Variants in TEKTL1 observed in about 807,000 individuals in gnomAD.
TEKTL1 encodes the protein tektin like 1.
chr19:15,021,709 A>G, the TEKTL1 span: 2 of 1,614,000 alleles, frequency 1.2e-6, no homozygotes, highest in Non-Finnish European at 1.7e-6. Context: ...CGGTCTCATC[A>G]AGGTACGGTT....
At chr19:15,022,819 C>A in the TEKTL1 span, 1 of 1,530,740 alleles carries the variant, frequency 6.5e-7, no homozygotes, top group Non-Finnish European at 8.8e-7. Context: ...TGCCTTCCCA[C>A]GCCAGGTAGC....
chr19:15,016,186 T>C, the TEKTL1 span, among the ~76,000 whole-genome samples: 2 of 28,702 alleles, frequency 7.0e-5, no homozygotes, highest in African/African-American at 2.8e-4. Flanking sequence ...ACAGCTGTCC[T>C]TTTTTTTTTT....
the TEKTL1 span, among the ~76,000 whole-genome samples, chr19:15,020,965 C>T: frequency 4.0e-5 from 6 of 151,690 alleles, no homozygotes; most frequent in Admixed American, 6.6e-5. Context: ...CTGCAACCTC[C>T]GCCTCCCAGG....
the TEKTL1 span, among the ~76,000 whole-genome samples, chr19:15,019,492 C>T: frequency 6.6e-6 from 1 of 151,776 alleles, no homozygotes; most frequent in Non-Finnish European, 1.5e-5. Flanking sequence ...ACATTGCATG[C>T]CATAAATATA....
chr19:15,011,442 AG>A, the TEKTL1 span: 1 of 1,372,266 alleles, frequency 7.3e-7, no homozygotes, highest in East Asian at 2.9e-5. Context: ...GCAAAGACTG[AG>A]GCCTCCGCTA....
At chr19:15,021,997 G>A in the TEKTL1 span, 1 of 1,131,088 alleles carries the variant, frequency 8.8e-7, no homozygotes, top group South Asian at 1.4e-5. Flanking sequence ...ATCTGGACCA[G>A]GTATGATCCC....
chr19:15,015,291 C>A, the TEKTL1 span, among the ~76,000 whole-genome samples: 1 of 152,290 alleles, frequency 6.6e-6, no homozygotes, highest in African/African-American at 2.4e-5. Flanking sequence ...AAATACTTAC[C>A]ACCAATCAGA....
the TEKTL1 span, among the ~76,000 whole-genome samples, chr19:15,016,462 C>T: frequency 6.6e-6 from 1 of 152,118 alleles, no homozygotes; most frequent in Non-Finnish European, 1.5e-5. Flanking sequence ...GCTAGGATTA[C>T]AGGCATGAGC....
the TEKTL1 span, among the ~76,000 whole-genome samples, chr19:15,014,946 G>A: frequency 1.3e-5 from 2 of 152,174 alleles, no homozygotes; most frequent in Non-Finnish European, 2.9e-5. Flanking sequence ...TACTTTGGGA[G>A]GCCAAGGCAG....
chr19:15,021,570 G>T, the TEKTL1 span: 1 of 1,613,426 alleles, frequency 6.2e-7, no homozygotes, highest in Non-Finnish European at 8.5e-7. Context: ...GGGAGGAGAC[G>T]CGGACTGGGA....
the TEKTL1 span, chr19:15,011,130 C>T: frequency 2.6e-6 from 4 of 1,532,294 alleles, no homozygotes; most frequent in Admixed American, 2.1e-5. Flanking sequence ...AAGATGAAGC[C>T]GCCCGCCTGG....
chr19:15,018,219 T>C, the TEKTL1 span, among the ~76,000 whole-genome samples: 1 of 152,100 alleles, frequency 6.6e-6, no homozygotes, highest in African/African-American at 2.4e-5. Flanking sequence ...CTAGGTGTGA[T>C]GGCACATGCC....
the TEKTL1 span, chr19:15,020,647 A>T: frequency 6.2e-7 from 1 of 1,613,164 alleles, no homozygotes; most frequent in Non-Finnish European, 8.5e-7. Flanking sequence ...CCCTGTGGGC[A>T]CCTATAACCC....
At chr19:15,015,505 C>A in the TEKTL1 span, among the ~76,000 whole-genome samples, 40,764 of 152,068 alleles carry the variant, frequency 0.27, 5,595 homozygotes, top group South Asian at 0.36. Flanking sequence ...GAACCTCTCT[C>A]ATTTTTCCTC....
At chr19:15,010,947 A>G in the TEKTL1 span, 1 of 1,589,408 alleles carries the variant, frequency 6.3e-7, no homozygotes, top group African/African-American at 1.3e-5. Context: ...CGCTGCGGGC[A>G]GGAGGCGGTG....
the TEKTL1 span, among the ~76,000 whole-genome samples, chr19:15,022,156 A>G: frequency 7.2e-5 from 11 of 151,756 alleles, no homozygotes; most frequent in Non-Finnish European, 4.4e-5. Context: ...CCCCTCACAC[A>G]CACCCTCACT....
chr19:15,021,582 C>A, the TEKTL1 span: 2 of 1,612,990 alleles, frequency 1.2e-6, no homozygotes, highest in Non-Finnish European at 1.7e-6. Flanking sequence ...GGACTGGGAG[C>A]CAGCGTGATC....
At chr19:15,010,996 C>T in the TEKTL1 span, 1 of 1,591,056 alleles carries the variant, frequency 6.3e-7, no homozygotes, top group Middle Eastern at 1.7e-4. Context: ...TGGACCCGAA[C>T]GTGGCCCACC....
At chr19:15,013,552 T>C in the TEKTL1 span, 1 of 697,152 alleles carries the variant, frequency 1.4e-6, no homozygotes, top group African/African-American at 1.8e-5. Flanking sequence ...GAGAGTACCC[T>C]CAACTTCATC....
Sources: allele counts gnomAD v4.1 joint callset (sites outside exome capture counted in the v4.1 genomes callset), GRCh38; gene constraint gnomAD v4.1.1; transcripts MANE v1.5; gene names NCBI Gene and HGNC (gene_info 2026-07-23, HGNC 2026-07-21).